The following TBC1D8B variants were observed in gnomAD, a reference collection of about 807,000 sequenced individuals.
The protein encoded by TBC1D8B is RP11-321G1.1.
In TBC1D8B, 75 loss-of-function variants were observed where a neutral mutation model predicts 82.9. The ratio of observed to expected loss-of-function variants is 0.90; its 90% CI spans 0.75 to 1.10. The LOEUF is 1.10. Ranked by LOEUF, TBC1D8B falls within the 50% of genes least tolerant of loss-of-function variation. The pLI, the probability that TBC1D8B is intolerant of heterozygous loss-of-function variation, is 0.00. For missense variants in TBC1D8B, 794 were observed against 796.9 expected, an observed-to-expected ratio of 1.00 and a Z score of 0.04; for synonymous variants, 276 against 276.8, an observed-to-expected ratio of 1.00 and a Z score of 0.03.
At chrX:106,813,507 C>G (rs1238781073) in intron 1 of TBC1D8B, among the ~76,000 whole-genome samples, 1 of 111,827 alleles carries the variant, frequency 8.9e-6, no homozygotes, top group Non-Finnish European at 1.9e-5. Flanking sequence ...AAAAAGTGAC[C>G]TTTCTTGCCA....
At chrX:106,817,590 G>A (rs1183552173) in intron 1 of TBC1D8B, among the ~76,000 whole-genome samples, 2 of 111,390 alleles carry the variant, frequency 1.8e-5, no homozygotes, top group African/African-American at 3.3e-5. Context: ...TCAGACCTGG[G>A]TCCCATCCCC....
chrX:106,824,337 G>T, intron 5 of TBC1D8B, among the ~76,000 whole-genome samples: 1 of 110,957 alleles, frequency 9.0e-6, no homozygotes, highest in South Asian at 3.8e-4. Context: ...TGACCTAGAA[G>T]GTTGTATGAT....
intron 1 of TBC1D8B, among the ~76,000 whole-genome samples, chrX:106,816,801 C>T (rs768232952): frequency 9.0e-6 from 1 of 111,052 alleles, no homozygotes; most frequent in East Asian, 2.8e-4. Flanking sequence ...CCTGTATCTA[C>T]TCTCCTATCC....
At position 106,873,652 on chromosome X, in the gene TBC1D8B, C is replaced by T. The variant is rs780632878; in HGVS notation, c.3050C>T (p.Ala1017Val). Residue 1017 changes from alanine to valine, a missense_variant, in exon 21 of 21, where the codon GCT (alanine) becomes GTT (valine). Coordinates refer to ENST00000357242, the MANE Select transcript of TBC1D8B (RefSeq NM_017752.3). ...GAAGAATCATTATATCAAGCCATTG[C>T]TGTTGTAACCAGCCTTTTACTCAGG... is the stretch of plus-strand genomic sequence containing the variant. Reference protein sequence around the residue: ...PEEESLYQAIAVVTSLLLRME... With the variant: ...PEEESLYQAIVVVTSLLLRME... 3 of 1,211,063 alleles carry T rather than the reference C, an allele frequency of 2.5e-6. No individual in the cohort carries two copies. The highest frequency in any genetic ancestry group is 3.4e-6 in the Non-Finnish European group (3 of 894,967).
chrX:106,807,239 C>A (rs886724486), intron 1 of TBC1D8B, among the ~76,000 whole-genome samples: 1 of 106,512 alleles, frequency 9.4e-6, no homozygotes, highest in Non-Finnish European at 1.9e-5. Context: ...CACACACACA[C>A]AAAATTAATA....
At chrX:106,814,959 T>C (rs1287128173) in intron 1 of TBC1D8B, 1 of 111,684 alleles carries the variant, frequency 9.0e-6, no homozygotes, top group Non-Finnish European at 1.9e-5. Flanking sequence ...CTTTGTCAGA[T>C]GAGTAGGTTG....
chrX:106,845,282 G>T (rs1348794361), intron 10 of TBC1D8B, among the ~76,000 whole-genome samples: 1 of 109,241 alleles, frequency 9.2e-6, no homozygotes, highest in African/African-American at 3.3e-5. Context: ...TGCTTTTGTT[G>T]ATTTTTCTCT....
At chrX:106,831,955 G>C (rs966635334) in intron 7 of TBC1D8B, among the ~76,000 whole-genome samples, 2 of 111,144 alleles carry the variant, frequency 1.8e-5, no homozygotes, top group Non-Finnish European at 3.8e-5. Context: ...AATAGTACAC[G>C]TAAAAACTTA....
chrX:106,838,270 T>C (rs1391377100), intron 7 of TBC1D8B, among the ~76,000 whole-genome samples: 3 of 111,716 alleles, frequency 2.7e-5, no homozygotes, highest in Admixed American at 1.9e-4. Flanking sequence ...TATTGGTTGC[T>C]TTTTTAAGTT....
intron 1 of TBC1D8B, among the ~76,000 whole-genome samples, chrX:106,817,596 T>G (rs1931580209): frequency 1.8e-5 from 2 of 111,492 alleles, no homozygotes; most frequent in African/African-American, 6.5e-5. Flanking sequence ...CTGGGTCCCA[T>G]CCCCAAGATA....
At chrX:106,867,314 C>T (rs955008750) in intron 17 of TBC1D8B, among the ~76,000 whole-genome samples, 1 of 111,802 alleles carries the variant, frequency 8.9e-6, no homozygotes. Context: ...TTATTAAGCA[C>T]CTGCTCTGTC....
In TBC1D8B at chrX:106,826,012, AT is replaced by A; in HGVS notation, c.828-12del. On this transcript the variant is annotated splice_polypyrimidine_tract_variant and intron_variant, in intron 5 of 20. Coordinates refer to ENST00000357242, the MANE Select transcript of TBC1D8B (RefSeq NM_017752.3). Reference sequence around the variant, plus strand: ...TAAAAATTCATTTGTGCCTTATCCCATTTTTTCTTTCCTACAGAGGTCTGGA... The same window carrying A: ...TAAAAATTCATTTGTGCCTTATCCCATTTTTCTTTCCTACAGAGGTCTGGA... 1 of 1,199,657 alleles carries A rather than the reference AT, an allele frequency of 8.3e-7. No individual in the cohort carries two copies. The highest frequency in any genetic ancestry group is 2.2e-5 in the Admixed American group (1 of 44,812).
At chrX:106,827,596 A>G (rs967634439) in intron 7 of TBC1D8B, 3 of 271,338 alleles carry the variant, frequency 1.1e-5, no homozygotes. Flanking sequence ...GCTGTTTACC[A>G]TATAAATATA....
At chrX:106,842,910 GC>G (rs1193882277) in intron 10 of TBC1D8B, among the ~76,000 whole-genome samples, 2 of 111,024 alleles carry the variant, frequency 1.8e-5, no homozygotes, top group Admixed American at 1.9e-4. Flanking sequence ...CTATGAATAT[GC>G]CTATTGTGCA....
chrX:106,807,434 A>T (rs1193678739), intron 1 of TBC1D8B, among the ~76,000 whole-genome samples: 1 of 103,889 alleles, frequency 9.6e-6, no homozygotes, highest in Non-Finnish European at 2.0e-5. Context: ...GTAATGAAGG[A>T]TGATCAGTGT....
At chrX:106,815,831 G>T (rs1317741516) in intron 1 of TBC1D8B, 1 of 111,708 alleles carries the variant, frequency 9.0e-6, no homozygotes, top group South Asian at 3.7e-4. Context: ...CTCAATAGAT[G>T]CAGAAAAGGC....
At chrX:106,811,206 A>G (rs1931359906) in intron 1 of TBC1D8B, among the ~76,000 whole-genome samples, 1 of 111,048 alleles carries the variant, frequency 9.0e-6, no homozygotes, top group East Asian at 2.8e-4. Context: ...CTCCCTTACT[A>G]CACTATAAAG....
intron 1 of TBC1D8B, among the ~76,000 whole-genome samples, chrX:106,807,636 A>G (rs978653926): frequency 2.7e-5 from 3 of 111,515 alleles, no homozygotes; most frequent in East Asian, 5.6e-4. Flanking sequence ...TCTTATTCAA[A>G]GAGATCTTTA....
Position 106,870,522 on chromosome X carries a change from G to A in TBC1D8B, c.2870-194G>A, listed in dbSNP as rs185634481. On this transcript the variant is annotated intron_variant, in intron 19 of 20. Transcript: ENST00000357242. ...CAACTTTCCTAAAGTAAACGTTTTA[G>A]TCTAAACAGAAATGGGAAAAGTATT... Among the ~76,000 whole-genome samples, 3 of 111,529 alleles carry A rather than the reference G, an allele frequency of 2.7e-5. No individual in the cohort carries two copies. The Admixed American group carries it at 2.9e-4, about 11-fold the overall frequency.
Sources: allele counts gnomAD v4.1 joint callset (sites outside exome capture counted in the v4.1 genomes callset), GRCh38; gene constraint gnomAD v4.1.1; transcripts MANE v1.5; gene names NCBI Gene and HGNC (gene_info 2026-07-23, HGNC 2026-07-21).